ZFR: variants seen among roughly 807,000 people sequenced by gnomAD.
ZFR encodes the protein zinc finger RNA-binding protein.
A neutral mutation model predicts 130.7 loss-of-function variants in ZFR; 19 were observed. The ratio of observed to expected loss-of-function variants is 0.15; its 90% CI spans 0.10 to 0.21. The LOEUF (loss-of-function observed/expected upper bound fraction) is 0.21. Among genes scored for constraint, ZFR ranks in the 10% least tolerant of loss-of-function variants. The probability of loss-of-function intolerance (pLI) is 1.00; values close to 1 mark genes in which losing one functional copy is unlikely to be tolerated. For missense variants in ZFR, 872 were observed against 1,321.5 expected, an observed-to-expected ratio of 0.66 and a Z score of 5.27; for synonymous variants, 466 against 456.9, an observed-to-expected ratio of 1.02 and a Z score of -0.25.
chr5:32,373,027 G>A (rs901013937), intron 17 of ZFR, among the ~76,000 whole-genome samples: 7 of 152,030 alleles, frequency 4.6e-5, no homozygotes, highest in Non-Finnish European at 8.8e-5. Flanking sequence ...TACATTTTTC[G>A]AATCACGATG....
In ZFR at chr5:32,355,752, G is replaced by C; in HGVS notation, c.*8C>G. ...GTTTTTTTAACACTGAAGATTTACAGACACTTTTTAAAAGTTATCATAATC... is the reference window on the plus strand; with the variant it reads ...GTTTTTTTAACACTGAAGATTTACACACACTTTTTAAAAGTTATCATAATC... On this transcript the variant is annotated 3_prime_UTR_variant, in exon 20 of 20. Coordinates refer to ENST00000265069, the MANE Select transcript of ZFR (RefSeq NM_016107.5). 6.4e-7 allele frequency: 1 copy of C among 1,567,186 alleles called. No homozygotes were observed. The highest frequency in any genetic ancestry group is 8.6e-7 in the Non-Finnish European group (1 of 1,160,318).
Position 32,444,334 on chromosome 5 carries a change from G to A in ZFR, c.38-6C>T. ...TTCCCCCAGCCGGCTGGGCACTGCG[G>A]CGGGCACGAAGAGTCGGGTCCCATG... On this transcript the variant is annotated splice_polypyrimidine_tract_variant and splice_region_variant and intron_variant, in intron 1 of 19. Transcript: ENST00000265069. The A allele has an allele frequency of 2.6e-6, 4 of 1,536,494 alleles. No homozygotes were observed. Among genetic ancestry groups the A allele is most frequent in the African/African-American group, 2.8e-5 (2 of 72,106 alleles).
Position 32,401,976 on chromosome 5 carries a change from T to C in ZFR, c.1516+1130A>G, listed in dbSNP as rs114560573. 3.5e-3 allele frequency among the ~76,000 whole-genome samples: 526 copies of C among 152,360 alleles called. 3 individuals are homozygous for C. Among genetic ancestry groups the C allele is most frequent in the African/African-American group, 0.011 (441 of 41,594 alleles). ...ATTTTATGACATTATTTCATGGTAC[T>C]CTTCTCATGAATTAATGGGTTAGAA... On this transcript the variant is annotated intron_variant, in intron 8 of 19. Transcript: ENST00000265069.
intron 2 of ZFR, among the ~76,000 whole-genome samples, chr5:32,435,210 C>T (rs1256873455): frequency 1.3e-5 from 2 of 152,194 alleles, no homozygotes; most frequent in Admixed American, 6.5e-5. Context: ...AACACCCGAC[C>T]TCTGTAACTT....
At chr5:32,430,708 T>G (rs1191333431) in intron 2 of ZFR, among the ~76,000 whole-genome samples, 1 of 152,110 alleles carries the variant, frequency 6.6e-6, no homozygotes, top group South Asian at 2.1e-4. Flanking sequence ...GGGAAAAAAC[T>G]GCCTACAGAG....
In ZFR at chr5:32,371,596, A is replaced by G. The variant is rs531068240; in HGVS notation, c.2836-7321T>C. The stretch of plus-strand genomic sequence containing the variant: ...TTTGGAGAAAGGTAAAATGAATCAC[A>G]TTATAAGCAGTTTCAGAAGAAATTT... On this transcript the variant is annotated intron_variant, in intron 17 of 19. Transcript: ENST00000265069. Among the ~76,000 whole-genome samples the G allele has an allele frequency of 3.3e-5, 5 of 152,328 alleles. No individual in the cohort carries two copies. The South Asian group carries it at 1.0e-3, about 32-fold the overall frequency.
chr5:32,356,031 A>C, intron 19 of ZFR, 92 bp from the exon 20 acceptor site: 1 of 981,800 alleles, frequency 1.0e-6, no homozygotes, highest in East Asian at 2.8e-5. Flanking sequence ...GCAACCTAAA[A>C]AAGCATGTGT....
At chr5:32,374,649 T>C (rs1752756067) in intron 17 of ZFR, among the ~76,000 whole-genome samples, 1 of 152,034 alleles carries the variant, frequency 6.6e-6, no homozygotes, top group Admixed American at 6.6e-5. Context: ...TTTGCTCCCA[T>C]CTGGCAAATA....
At chr5:32,364,372 A>G in intron 17 of ZFR, 97 bp from the exon 18 acceptor site, 2 of 818,086 alleles carry the variant, frequency 2.4e-6, no homozygotes, top group Non-Finnish European at 3.8e-6. Context: ...TTAAAGACTG[A>G]AAAAGCTACA....
intron 2 of ZFR, among the ~76,000 whole-genome samples, chr5:32,424,152 A>C (rs569385286): frequency 2.6e-5 from 4 of 152,340 alleles, no homozygotes; most frequent in African/African-American, 9.6e-5. Flanking sequence ...GAAGGACAGA[A>C]GCCTCTCAGA....
chr5:32,427,525 C>T (rs181526104), intron 2 of ZFR, among the ~76,000 whole-genome samples: 3 of 152,118 alleles, frequency 2.0e-5, no homozygotes, highest in East Asian at 1.9e-4. Context: ...CCCATGTTCA[C>T]GGATTAGAAG....
chr5:32,370,953 A>C, intron 17 of ZFR, among the ~76,000 whole-genome samples: 1 of 152,380 alleles, frequency 6.6e-6, no homozygotes, highest in East Asian at 1.9e-4. Context: ...TGCTAAATAA[A>C]ATTAAACATA....
chr5:32,394,464 T>C (rs1753251742), intron 11 of ZFR: 2 of 167,326 alleles, frequency 1.2e-5, no homozygotes, highest in African/African-American at 4.8e-5. Context: ...ACTTTTGCAT[T>C]AACCTAATAT....
At chr5:32,441,998 T>C (rs1035465550) in intron 2 of ZFR, among the ~76,000 whole-genome samples, 4 of 152,178 alleles carry the variant, frequency 2.6e-5, no homozygotes, top group African/African-American at 4.8e-5. Context: ...CAGTTCCCTA[T>C]ACTGGGATAA....
chr5:32,406,712 T>C (rs758782502), intron 6 of ZFR, 62 bp downstream of exon 6: 9 of 1,543,486 alleles, frequency 5.8e-6, no homozygotes, highest in Admixed American at 2.3e-5. Flanking sequence ...GCTCAGGAGT[T>C]AGAATACCAA....
At chr5:32,395,088 A>C in intron 11 of ZFR, 71 bp downstream of exon 11, 1 of 1,473,446 alleles carries the variant, frequency 6.8e-7, no homozygotes, top group Middle Eastern at 1.8e-4. Context: ...TGGGAGTCAC[A>C]TGCTCAGAAT....
At position 32,387,680 on chromosome 5, in the gene ZFR, G is replaced by A; in HGVS notation, c.2368C>T (p.Arg790Ter). 6.2e-7 allele frequency: 1 copy of A among 1,610,370 alleles called. No individual in the cohort carries two copies. Among genetic ancestry groups the A allele is most frequent in the Non-Finnish European group, 8.5e-7 (1 of 1,178,056 alleles). Residue 790 changes from arginine to a stop codon, truncating the protein, a stop_gained, in exon 14 of 20, where the codon CGA (arginine) becomes TGA (stop). Coordinates refer to ENST00000265069, the MANE Select transcript of ZFR (RefSeq NM_016107.5). LOFTEE classifies it high-confidence loss of function. ...AATCCTTTTGCCAATACTCCCACTC[G>A]CAAAACTCCTTTCAAAGCTCTGCAG... is the stretch of plus-strand genomic sequence containing the variant. ...GKDRALKGVL[R>*]VGVLAKGLLL... is the part of the protein sequence containing the mutation.
rs1753092652 is a variant in ZFR, at chr5:32,388,645, G to T, written c.2172C>A (p.Asp724Glu). The T allele has an allele frequency of 6.2e-7, 1 of 1,613,748 alleles. No homozygotes were observed. Residue 724 changes from aspartate (D) to glutamate (E), a missense_variant, in exon 13 of 20, where the codon GAC (aspartate) becomes GAA (glutamate). Asp to Glu is a conservative substitution (Grantham distance 45, BLOSUM62 2). Around this residue, in one of 7 missense-constraint regions of ZFR, gnomAD observed 225 missense variants for 282.4 expected, o/e 0.80. Transcript: ENST00000265069. Reference protein sequence around the residue: ...APLRRPDSSDDRYVMTKHATI... With the variant: ...APLRRPDSSDERYVMTKHATI... ...TGGCATGTTTTGTCATTACATAACG[G>T]TCATCAGATGAGTCAGGACGACGTA...
chr5:32,382,439 G>A (rs988882850), intron 15 of ZFR, among the ~76,000 whole-genome samples: 6 of 152,188 alleles, frequency 3.9e-5, no homozygotes, highest in Non-Finnish European at 7.3e-5. Context: ...GCTAAAGCTA[G>A]AATGCAAATA....
Sources: gnomAD v4.1 joint callset for allele counts (sites outside exome capture counted in the v4.1 genomes callset) on GRCh38, gnomAD v4.1.1 for gene constraint, gnomAD v4.1.1 regional missense constraint, MANE v1.5 for transcripts, NCBI Gene and HGNC (gene_info 2026-07-23, HGNC 2026-07-21) for gene names.